CUL2: variants seen among roughly 807,000 people sequenced by gnomAD.
CUL2 encodes cullin 2, also known as cullin-2.
Under a neutral mutation model 110.2 loss-of-function variants are expected in CUL2, and 22 were observed. That is an observed-to-expected ratio of 0.20 (90% CI 0.14 to 0.28). CUL2 has a LOEUF of 0.28. Ranked by LOEUF, CUL2 falls within the 10% of genes least tolerant of loss-of-function variation. CUL2 has a pLI of 1.00. For synonymous variants in CUL2, 279 were observed against 293.2 expected (o/e 0.95, Z 0.49); for missense variants, 631 against 905.5 (o/e 0.70, Z 3.89).
chr10:35,013,742 G>A lies in CUL2; in HGVS notation c.1946C>T (p.Thr649Ile). ...CATTGATGTAGTAATTTTAAATTTT[G>A]TTCTTTTACTGCTAAAGTTCATATT... ...SLNMNFSSKR[T>I]KFKITTSMQK... is the part of the protein sequence containing the mutation. Residue 649 changes from threonine to isoleucine, a missense_variant, in exon 19 of 21, where the codon ACA (threonine) becomes ATA (isoleucine). This residue lies in a region of CUL2 where 159 missense variants were observed against 202.7 expected (regional missense o/e 0.78). Coordinates refer to ENST00000374749, the MANE Select transcript of CUL2 (RefSeq NM_003591.4). 2 of 1,567,370 alleles carry A rather than the reference G, an allele frequency of 1.3e-6. No individual in the cohort carries two copies. The highest frequency in any genetic ancestry group is 8.7e-7 in the Non-Finnish European group (1 of 1,152,600).
At chr10:35,026,475 G>T (rs1028320209) in intron 16 of CUL2, among the ~76,000 whole-genome samples, 1 of 152,132 alleles carries the variant, frequency 6.6e-6, no homozygotes, top group Non-Finnish European at 1.5e-5. Context: ...TCGGAAATGA[G>T]AAATTCCAGC....
chr10:35,015,934 T>G (rs2384280), intron 18 of CUL2, among the ~76,000 whole-genome samples: 2 of 152,072 alleles, frequency 1.3e-5, no homozygotes, highest in African/African-American at 4.8e-5. Context: ...AGATGGCAAT[T>G]CTTTTACAAT....
At chr10:35,028,259 T>C (rs2085383060) in intron 16 of CUL2, among the ~76,000 whole-genome samples, 1 of 152,224 alleles carries the variant, frequency 6.6e-6, no homozygotes. Flanking sequence ...TAGCCTCCTA[T>C]TCTGAAAGTC....
Position 35,010,303 on chromosome 10 carries a change from G to C in CUL2, c.*8C>G. 1 of 1,602,758 alleles carries C rather than the reference G, an allele frequency of 6.2e-7. No homozygotes were observed. The highest frequency in any genetic ancestry group is 1.1e-5 in the South Asian group (1 of 89,524). On this transcript the variant is annotated 3_prime_UTR_variant, in exon 21 of 21. Coordinates refer to ENST00000374749, the MANE Select transcript of CUL2 (RefSeq NM_003591.4). ...GATCTTCTCACACCACGCTGGAGGA[G>C]AGCGACATCACGCGACGTAGCTGTA...
intron 17 of CUL2, among the ~76,000 whole-genome samples, chr10:35,017,614 A>G (rs1332551658): frequency 6.6e-6 from 1 of 151,872 alleles, no homozygotes; most frequent in Non-Finnish European, 1.5e-5. Flanking sequence ...GAATCCTTGA[A>G]CCTGGGAGGC....
chr10:35,032,506 A>G lies in CUL2; in HGVS notation c.1111-12T>C. The G allele has an allele frequency of 6.3e-7, 1 of 1,580,536 alleles. No individual in the cohort carries two copies. Among genetic ancestry groups the G allele is most frequent in the Non-Finnish European group, 8.6e-7 (1 of 1,168,936 alleles). ...ACTGACGTAAGGGCCTGAATAAAAAAACACGCCATAATTAACCACCAGCCA... is the reference window on the plus strand; with the variant it reads ...ACTGACGTAAGGGCCTGAATAAAAAGACACGCCATAATTAACCACCAGCCA... On this transcript the variant is annotated splice_polypyrimidine_tract_variant and intron_variant, in intron 11 of 20. Coordinates refer to ENST00000374749, the MANE Select transcript of CUL2 (RefSeq NM_003591.4).
intron 16 of CUL2, among the ~76,000 whole-genome samples, chr10:35,025,641 T>C (rs1056707754): frequency 6.6e-6 from 1 of 152,268 alleles, no homozygotes; most frequent in Non-Finnish European, 1.5e-5. Context: ...AAATACGAAG[T>C]TTTAGGGTAT....
At chr10:35,038,525 CAA>C (rs61022194) in intron 9 of CUL2, among the ~76,000 whole-genome samples, 6 of 65,486 alleles carry the variant, frequency 9.2e-5, no homozygotes, top group East Asian at 5.1e-4. Flanking sequence ...GACTCTGTCT[CAA>C]AAAAAAAAAA....
chr10:35,054,777 T>C (rs773111284), intron 4 of CUL2, among the ~76,000 whole-genome samples: 1 of 152,176 alleles, frequency 6.6e-6, no homozygotes, highest in Non-Finnish European at 1.5e-5. Flanking sequence ...CTTATCCAAG[T>C]TTCAGAATTT....
At chr10:35,078,119 A>G (rs946780886) in intron 1 of CUL2, among the ~76,000 whole-genome samples, 2 of 152,156 alleles carry the variant, frequency 1.3e-5, no homozygotes, top group Non-Finnish European at 2.9e-5. Context: ...CCCTTCTGAG[A>G]ATCTTAACTT....
intron 17 of CUL2, among the ~76,000 whole-genome samples, chr10:35,018,723 A>G (rs1320548750): frequency 1.5e-5 from 2 of 137,700 alleles, no homozygotes; most frequent in African/African-American, 5.5e-5. Flanking sequence ...AGATCGCGCC[A>G]TTGCACTCCA....
At chr10:35,052,494 T>C (rs1257316153) in intron 5 of CUL2, among the ~76,000 whole-genome samples, 3 of 152,212 alleles carry the variant, frequency 2.0e-5, no homozygotes, top group Non-Finnish European at 4.4e-5. Context: ...TTTTTCTCTA[T>C]TTTGTTCACT....
chr10:35,049,814 T>C (rs773795274), intron 5 of CUL2, 49 bp from the exon 6 acceptor site: 2 of 1,257,194 alleles, frequency 1.6e-6, no homozygotes, highest in Non-Finnish European at 2.3e-6. Context: ...TAGTATATGT[T>C]TAACATTTCC....
chr10:35,059,623 G>A (rs926790722), intron 4 of CUL2, among the ~76,000 whole-genome samples: 3 of 152,126 alleles, frequency 2.0e-5, no homozygotes, highest in African/African-American at 7.2e-5. Flanking sequence ...CTTTACATGT[G>A]GTGGTCTGGA....
At chr10:35,125,301 G>A (rs1220037715) in intron 1 of CUL2, among the ~76,000 whole-genome samples, 2 of 152,148 alleles carry the variant, frequency 1.3e-5, no homozygotes, top group South Asian at 2.1e-4. Context: ...AAAAAAATAT[G>A]GTTTGTGCTT....
chr10:35,063,249 T>C (rs2086429110), intron 2 of CUL2, among the ~76,000 whole-genome samples, 187 bp from the exon 3 acceptor site: 1 of 152,228 alleles, frequency 6.6e-6, no homozygotes, highest in Non-Finnish European at 1.5e-5. Flanking sequence ...TAAGATTCAT[T>C]CACTTATTCA....
chr10:35,098,836 A>C (rs970981535), intron 2 of CUL2, among the ~76,000 whole-genome samples: 8 of 152,194 alleles, frequency 5.3e-5, no homozygotes, highest in African/African-American at 1.9e-4. Flanking sequence ...TGGGAGGCTG[A>C]CGCAGGAGAA....
At chr10:35,042,772 T>G (rs1459959445) in intron 8 of CUL2, among the ~76,000 whole-genome samples, 1 of 152,146 alleles carries the variant, frequency 6.6e-6, no homozygotes, top group African/African-American at 2.4e-5. Flanking sequence ...AGTGAGTGTT[T>G]CCCTAAGTTC....
Position 35,035,183 on chromosome 10 carries a change from T to C in CUL2, c.991A>G (p.Thr331Ala). Residue 331 changes from threonine (T) to alanine (A), a missense_variant, in exon 10 of 21, where the codon ACT becomes GCT. Transcript: ENST00000374749. ...DEGLRATSNLTQENMPTLFVE... is the reference protein window; with the variant it reads ...DEGLRATSNLAQENMPTLFVE... The stretch of plus-strand genomic sequence containing the variant: ...CCCACACAACTCACGTTTTCCTGAG[T>C]AAGGTTGCTGGTTGCTCGAAGGCCC... The C allele has an allele frequency of 6.2e-7, 1 of 1,614,136 alleles. No homozygotes were observed. Among genetic ancestry groups the C allele is most frequent in the Non-Finnish European group, 8.5e-7 (1 of 1,180,008 alleles).
Sources: gnomAD v4.1 joint callset for allele counts (sites outside exome capture counted in the v4.1 genomes callset) on GRCh38, gnomAD v4.1.1 for gene constraint, gnomAD v4.1.1 regional missense constraint, MANE v1.5 for transcripts, NCBI Gene and HGNC (gene_info 2026-07-23, HGNC 2026-07-21) for gene names.